NEDD4L: variants seen among roughly 807,000 people sequenced by gnomAD.
NEDD4L encodes the protein NEDD4 like E3 ubiquitin protein ligase, also known as E3 ubiquitin-protein ligase NEDD4-like.
Under a neutral mutation model 148.9 loss-of-function variants are expected in NEDD4L, and 54 were observed. The ratio of observed to expected loss-of-function variants is 0.36; its 90% CI spans 0.29 to 0.45. NEDD4L has a LOEUF of 0.45. NEDD4L is among the 20% of genes least tolerant of loss of function. The pLI, the probability that NEDD4L is intolerant of heterozygous loss-of-function variation, is 1.00. For synonymous variants in NEDD4L, 433 were observed against 440.7 expected, an observed-to-expected ratio of 0.98 and a Z score of 0.22; for missense variants, 856 against 1,233.8, an observed-to-expected ratio of 0.69 and a Z score of 4.59.
intron 1 of NEDD4L, among the ~76,000 whole-genome samples, chr18:58,080,343 T>C (rs576256153): frequency 5.8e-4 from 88 of 152,332 alleles, no homozygotes; most frequent in Non-Finnish European, 1.1e-3. Context: ...TGGTAAAAGA[T>C]TTAGGTTTGA....
chr18:58,211,076 G>T (rs1370538247), intron 2 of NEDD4L, among the ~76,000 whole-genome samples: 1 of 151,814 alleles, frequency 6.6e-6, no homozygotes, highest in African/African-American at 2.4e-5. Context: ...AGCGAACTAG[G>T]AATAAAAATA....
intron 16 of NEDD4L, among the ~76,000 whole-genome samples, chr18:58,348,381 G>C (rs1218370061): frequency 7.7e-6 from 1 of 129,936 alleles, no homozygotes; most frequent in East Asian, 2.2e-4. Context: ...GCCCAGCCTG[G>C]AGTTCAGTGG....
intron 9 of NEDD4L, among the ~76,000 whole-genome samples, chr18:58,327,113 T>C (rs2059378719): frequency 6.6e-6 from 1 of 152,226 alleles, no homozygotes; most frequent in Admixed American, 6.5e-5. Context: ...CAGTTCTTTT[T>C]CTGTTGTTGT....
At chr18:58,221,745 AG>A (rs2043800141) in intron 2 of NEDD4L, 1 of 984,788 alleles carries the variant, frequency 1.0e-6, no homozygotes. Flanking sequence ...AGCAGCTTTG[AG>A]GAAAAGTATA....
chr18:58,305,726 A>G (rs2056980406), intron 5 of NEDD4L, among the ~76,000 whole-genome samples: 2 of 152,170 alleles, frequency 1.3e-5, no homozygotes, highest in African/African-American at 2.4e-5. Flanking sequence ...AATACATATA[A>G]TCTTTGGTTT....
intron 1 of NEDD4L, among the ~76,000 whole-genome samples, chr18:58,105,377 T>A (rs1255627399): frequency 1.3e-5 from 2 of 152,180 alleles, no homozygotes; most frequent in Non-Finnish European, 2.9e-5. Context: ...GGTTAGTGTA[T>A]TCCCCTCTCC....
chr18:58,180,314 C>A, intron 2 of NEDD4L, among the ~76,000 whole-genome samples: 1 of 152,178 alleles, frequency 6.6e-6, no homozygotes, highest in East Asian at 1.9e-4. Flanking sequence ...CTGTGTGACC[C>A]GGGTGCACAG....
chr18:58,093,790 A>G lies in NEDD4L; in HGVS notation c.48+49082A>G, dbSNP rs548845618. On this transcript the variant is annotated intron_variant, in intron 1 of 30. Coordinates refer to ENST00000400345, the MANE Select transcript of NEDD4L (RefSeq NM_001144967.3). Reference sequence around the variant, plus strand: ...AATACTTTATTCCACACAATAAGGAAATTGAACTTTTCAGAAGAATGATAT... The same window carrying G: ...AATACTTTATTCCACACAATAAGGAGATTGAACTTTTCAGAAGAATGATAT... 5.3e-5 allele frequency among the ~76,000 whole-genome samples: 8 copies of G among 152,372 alleles called. 2 individuals are homozygous for G. In the South Asian group the frequency reaches 1.7e-3, roughly 32 times the overall value.
chr18:58,092,796 G>A (rs2084153502), intron 1 of NEDD4L, among the ~76,000 whole-genome samples: 1 of 148,362 alleles, frequency 6.7e-6, no homozygotes, highest in Non-Finnish European at 1.5e-5. Context: ...CAGATTAAAA[G>A]GTAAAATTCT....
At chr18:58,192,651 T>C (rs1489329257) in intron 2 of NEDD4L, among the ~76,000 whole-genome samples, 2 of 152,142 alleles carry the variant, frequency 1.3e-5, no homozygotes, top group East Asian at 3.9e-4. Flanking sequence ...TGCAGGCATC[T>C]GTGCTGTCTG....
chr18:58,317,964 C>T (rs989127076), intron 6 of NEDD4L, among the ~76,000 whole-genome samples: 2 of 152,156 alleles, frequency 1.3e-5, no homozygotes, highest in Non-Finnish European at 2.9e-5. Flanking sequence ...ATTCTTTATT[C>T]ATGTGGCAGT....
At chr18:58,048,881 T>C (rs188353607) in intron 1 of NEDD4L, among the ~76,000 whole-genome samples, 1 of 150,748 alleles carries the variant, frequency 6.6e-6, no homozygotes, top group Non-Finnish European at 1.5e-5. Context: ...GTCTTTCTAC[T>C]TGTTTACATA....
chr18:58,134,800 C>A (rs1176306150), intron 1 of NEDD4L, among the ~76,000 whole-genome samples: 1 of 144,704 alleles, frequency 6.9e-6, no homozygotes, highest in Middle Eastern at 3.4e-3. Context: ...ATTCAGGGAA[C>A]CTGAGGCGAA....
intron 2 of NEDD4L, among the ~76,000 whole-genome samples, chr18:58,213,290 A>G (rs560794777): frequency 2.6e-5 from 4 of 152,344 alleles, no homozygotes; most frequent in Non-Finnish European, 5.9e-5. Context: ...AAGGATATTT[A>G]TTGTACCATT....
intron 18 of NEDD4L, among the ~76,000 whole-genome samples, chr18:58,355,956 C>T (rs2044569982): frequency 6.6e-6 from 1 of 152,166 alleles, no homozygotes; most frequent in Non-Finnish European, 1.5e-5. Flanking sequence ...CAATATTCTT[C>T]CCCTGCACTC....
At chr18:58,204,258 G>A (rs1482573520) in intron 2 of NEDD4L, among the ~76,000 whole-genome samples, 1 of 152,102 alleles carries the variant, frequency 6.6e-6, no homozygotes, top group Non-Finnish European at 1.5e-5. Flanking sequence ...AACCTGGGAA[G>A]CGGAGGTTGC....
chr18:58,151,792 G>A (rs2034803273), intron 1 of NEDD4L, among the ~76,000 whole-genome samples: 1 of 152,116 alleles, frequency 6.6e-6, no homozygotes, highest in African/African-American at 2.4e-5. Context: ...TGGGGTCGGT[G>A]AGGTGGGGTG....
At chr18:58,311,091 C>A (rs138029832) in intron 5 of NEDD4L, among the ~76,000 whole-genome samples, 32 of 151,934 alleles carry the variant, frequency 2.1e-4, no homozygotes, top group African/African-American at 7.0e-4. Context: ...GATGGTTTTC[C>A]TTTTCTGTAG....
Position 58,156,703 on chromosome 18 carries a change from G to A in NEDD4L, c.49-9085G>A, listed in dbSNP as rs577606765. 2.0e-5 allele frequency among the ~76,000 whole-genome samples: 3 copies of A among 152,248 alleles called. No homozygotes were observed. In the South Asian group the frequency reaches 6.2e-4, roughly 32 times the overall value. ...CTTGGGAGGCCACCTGCCCGTGTTT[G>A]ACCTGGGTTAATGACCGCCAGTTCC... On this transcript the variant is annotated intron_variant, in intron 1 of 30. Coordinates refer to ENST00000400345, the MANE Select transcript of NEDD4L (RefSeq NM_001144967.3).
Sources: gnomAD v4.1 joint callset for allele counts (sites outside exome capture counted in the v4.1 genomes callset) on GRCh38, gnomAD v4.1.1 for gene constraint, MANE v1.5 for transcripts, NCBI Gene and HGNC (gene_info 2026-07-23, HGNC 2026-07-21) for gene names.